MMP28: variants seen among roughly 807,000 people sequenced by gnomAD.
MMP28 encodes matrix metallopeptidase 28.
A neutral mutation model predicts 60.5 loss-of-function variants in MMP28; 55 were observed. The ratio of observed to expected loss-of-function variants is 0.91; its 90% CI spans 0.73 to 1.14. The LOEUF (loss-of-function observed/expected upper bound fraction) is 1.14, where lower values mean the gene tolerates loss of function less well. Ranked by LOEUF, MMP28 falls within the 50% of genes most tolerant of loss-of-function variation. The pLI is 0.00. For synonymous variants in MMP28, 318 were observed against 312.5 expected (o/e 1.02, Z -0.18); for missense variants, 686 against 738.3 (o/e 0.93, Z 0.82).
At chr17:35,787,113 G>A (rs1215529613) in intron 1 of MMP28, among the ~76,000 whole-genome samples, 1 of 152,156 alleles carries the variant, frequency 6.6e-6, no homozygotes, top group African/African-American at 2.4e-5. Flanking sequence ...AGGTCAAACT[G>A]GGGTGTTTCT....
In MMP28 at chr17:35,792,896, T is replaced by A. The variant is rs77337520; in HGVS notation, c.111+2371A>T. 8.7e-3 allele frequency among the ~76,000 whole-genome samples: 1,325 copies of A among 152,348 alleles called. 29 individuals carry two copies. The highest frequency in any genetic ancestry group is 0.03 in the African/African-American group (1,245 of 41,580). Reference sequence around the variant, plus strand: ...CAACAATCTTGTGAAATAGGCATTATTAACCCCCATTGTATGGAGAAGAAA... The same window carrying A: ...CAACAATCTTGTGAAATAGGCATTAATAACCCCCATTGTATGGAGAAGAAA... On this transcript the variant is annotated intron_variant, in intron 1 of 7. Transcript: ENST00000605424.
chr17:35,766,114 C>A lies in MMP28; in HGVS notation c.*386G>T, dbSNP rs2085930754. The A allele has an allele frequency of 1.3e-5, 13 of 1,012,228 alleles. No homozygotes were observed. Among genetic ancestry groups the A allele is most frequent in the Non-Finnish European group, 1.5e-5 (13 of 847,388 alleles). 62.7% of individuals were successfully genotyped at this position (1,012,228 alleles called of 1,614,324 possible). The stretch of plus-strand genomic sequence containing the variant: ...TCCTGAGGAGAAGGGCACAGTCTTG[C>A]AAAATGGTCTCGAATTTCTCTGCTG... On this transcript the variant is annotated 3_prime_UTR_variant, in exon 8 of 8. Coordinates refer to ENST00000605424, the MANE Select transcript of MMP28 (RefSeq NM_024302.5). This position sits in a 1 kb window ranked among gnomAD's most constrained non-coding sequence, Gnocchi z 4.3.
chr17:35,764,047 C>T, downstream of MMP28: 2 of 1,549,420 alleles, frequency 1.3e-6, no homozygotes, highest in South Asian at 2.4e-5. Flanking sequence ...CGGAAGAGCT[C>T]CGGGCCGAGG....
At chr17:35,772,201 G>A (rs1045116726) in intron 4 of MMP28, among the ~76,000 whole-genome samples, 1 of 152,124 alleles carries the variant, frequency 6.6e-6, no homozygotes, top group Non-Finnish European at 1.5e-5. Context: ...GAGACGGATG[G>A]GCAGGTTTGG....
chr17:35,780,085 T>A (rs897131864), intron 1 of MMP28, among the ~76,000 whole-genome samples: 1 of 152,168 alleles, frequency 6.6e-6, no homozygotes, highest in Admixed American at 6.5e-5. Flanking sequence ...TATTTTTTTC[T>A]GAGATGGAGT....
downstream of MMP28, chr17:35,764,125 G>T (rs782559389): frequency 1.8e-5 from 28 of 1,549,778 alleles, no homozygotes; most frequent in South Asian, 3.3e-4. Context: ...GGCCGCTGGA[G>T]GACAGCGCGA....
intron 3 of MMP28, among the ~76,000 whole-genome samples, chr17:35,776,929 T>G (rs2086350659): frequency 6.6e-6 from 1 of 151,988 alleles, no homozygotes; most frequent in African/African-American, 2.4e-5. Flanking sequence ...CTCGAAATTG[T>G]ATAGTGACAG....
At chr17:35,768,032 G>A (rs1043633755) in intron 6 of MMP28, 113 bp from the exon 7 acceptor site, 1 of 1,357,194 alleles carries the variant, frequency 7.4e-7, no homozygotes, top group African/African-American at 1.5e-5. Context: ...AGGGTATGGT[G>A]TGTACAGTTG....
rs773970340 is a variant in MMP28 at position 35,779,118 on chromosome 17, G to A, written c.192-43C>T. 5.0e-6 allele frequency: 8 copies of A among 1,596,384 alleles called. No homozygotes were observed. In the African/African-American group the frequency reaches 9.4e-5, roughly 19 times the overall value. ...CCGCAAGGGGAGGGTGAGTGGTAAG[G>A]GTGAGGGCAGGGAAGTCTGCCTCCC... On this transcript the variant is annotated intron_variant, in intron 2 of 7. Transcript: ENST00000605424.
At chr17:35,761,099 ATTTTTTT>A (rs10533957), downstream of MMP28, 60,808 of 505,080 alleles carry the variant, frequency 0.12, 1,401 homozygotes, top group East Asian at 0.19. Context: ...GCCTTCCTGA[ATTTTTTT>A]TTTTTTTTTT....
intron 3 of MMP28, 25 bp downstream of exon 3, chr17:35,778,863 C>T (rs1555608269): frequency 1.2e-6 from 2 of 1,614,034 alleles, no homozygotes; most frequent in South Asian, 2.2e-5. Flanking sequence ...AAATCTTGGC[C>T]TAGCCGGATT....
At chr17:35,773,138 G>T (rs776532326) in intron 4 of MMP28, 42 bp downstream of exon 4, 5 of 1,581,666 alleles carry the variant, frequency 3.2e-6, no homozygotes, top group Non-Finnish European at 4.3e-6. Context: ...TCCAAGTTGG[G>T]TTCCCCTCCT....
At chr17:35,776,833 C>T (rs1199349140) in intron 3 of MMP28, among the ~76,000 whole-genome samples, 3 of 151,996 alleles carry the variant, frequency 2.0e-5, no homozygotes, top group African/African-American at 7.3e-5. Context: ...AGGTTGCAGT[C>T]ACCTGAGATT....
At chr17:35,789,248 G>GCA (rs1345891352) in intron 1 of MMP28, among the ~76,000 whole-genome samples, 1 of 152,002 alleles carries the variant, frequency 6.6e-6, no homozygotes, top group Non-Finnish European at 1.5e-5. Context: ...ACACACACAG[G>GCA]CACACACATA....
chr17:35,782,952 G>C (rs570811405), intron 1 of MMP28, among the ~76,000 whole-genome samples: 5 of 152,032 alleles, frequency 3.3e-5, no homozygotes, highest in Non-Finnish European at 4.4e-5. Context: ...TCAGCCTCCC[G>C]AGTAGCTGGG....
intron 2 of MMP28, among the ~76,000 whole-genome samples, chr17:35,760,507 T>A (rs1459223109): frequency 6.6e-6 from 1 of 152,178 alleles, no homozygotes; most frequent in Non-Finnish European, 1.5e-5. Flanking sequence ...AGACAGAATA[T>A]AATGATACAA....
downstream of MMP28, chr17:35,764,175 A>AAGGCCGC (rs1555602157): frequency 6.5e-7 from 1 of 1,548,410 alleles, no homozygotes. Flanking sequence ...GAGGAGGGCG[A>AAGGCCGC]AGGCCGCGAG....
At chr17:35,765,437 G>A (rs1555602691), downstream of MMP28, among the ~76,000 whole-genome samples, 1 of 152,244 alleles carries the variant, frequency 6.6e-6, no homozygotes, top group African/African-American at 2.4e-5. Context: ...GGAGGCAGAA[G>A]ACAGGGAGGC....
intron 1 of MMP28, among the ~76,000 whole-genome samples, chr17:35,779,651 A>G (rs529743370): frequency 2.4e-4 from 37 of 152,334 alleles, no homozygotes; most frequent in African/African-American, 7.5e-4. Context: ...GCAGTACAGT[A>G]ACAGGCTCTG....
Sources: allele counts gnomAD v4.1 joint callset (sites outside exome capture counted in the v4.1 genomes callset), GRCh38; gene constraint gnomAD v4.1.1; non-coding constraint Gnocchi (gnomAD v3.1); transcripts MANE v1.5; gene names NCBI Gene and HGNC (gene_info 2026-07-23, HGNC 2026-07-21).